Variants in KCNQ1 observed in about 807,000 individuals in gnomAD.
KCNQ1 encodes the protein potassium voltage-gated channel subfamily Q member 1.
In KCNQ1, 49 loss-of-function variants were observed where a neutral mutation model predicts 72.4. The observed-to-expected ratio is 0.68, with a 90% CI of 0.54 to 0.86. KCNQ1 has a LOEUF of 0.86. Ranked by LOEUF, KCNQ1 falls within the 40% of genes least tolerant of loss-of-function variation. KCNQ1 has a pLI of 0.00. For missense variants in KCNQ1, 790 were observed against 945.1 expected, an observed-to-expected ratio of 0.84 and a Z score of 2.15; for synonymous variants, 450 against 412.6, an observed-to-expected ratio of 1.09 and a Z score of -1.10.
rs1252764403 is a variant in KCNQ1 at position 2,683,962 on chromosome 11, T to C, written c.1514+21881T>C. Reference sequence around the variant, plus strand: ...ACAAAACCAGCTGACTGCTTTTACTTTTTTTTTTTTTTCATTTAGAAGAAT... The same window carrying C: ...ACAAAACCAGCTGACTGCTTTTACTCTTTTTTTTTTTTCATTTAGAAGAAT... On this transcript the variant is annotated intron_variant, in intron 11 of 15. Coordinates refer to ENST00000155840, the MANE Select transcript of KCNQ1 (RefSeq NM_000218.3). This position sits in a 1 kb window ranked among gnomAD's most constrained non-coding sequence, Gnocchi z 4.7. 1 of 327,966 alleles carries C rather than the reference T, an allele frequency of 3.0e-6. No homozygotes were observed. Among genetic ancestry groups the C allele is most frequent in the Non-Finnish European group, 5.4e-6 (1 of 183,526 alleles). The allele number at this position is 327,966 out of a possible 1,614,324, so 20.3% of individuals were successfully genotyped here.
intron 12 of KCNQ1, among the ~76,000 whole-genome samples, chr11:2,775,339 G>T (rs1846673635): frequency 6.6e-6 from 1 of 152,312 alleles, no homozygotes; most frequent in South Asian, 2.1e-4. Context: ...CCCCTGCCCT[G>T]CCTCACATGG....
chr11:2,607,807 C>T (rs1848905917), intron 10 of KCNQ1, among the ~76,000 whole-genome samples: 1 of 152,028 alleles, frequency 6.6e-6, no homozygotes, highest in Admixed American at 6.6e-5. Flanking sequence ...GAAATAAGTC[C>T]CATTTGGTTA....
In KCNQ1 at chr11:2,767,659, G is replaced by A. The variant is rs778225300; in HGVS notation, c.1515-1185G>A. Among the ~76,000 whole-genome samples the A allele has an allele frequency of 2.0e-5, 3 of 152,304 alleles. No homozygotes were observed. Among genetic ancestry groups the A allele is most frequent in the African/African-American group, 7.2e-5 (3 of 41,560 alleles). ...GTTAATGTGATGGAAAGTTGGCATTGCTTAGTTTCTGGGGCTGCCTTCTAG... is the reference window on the plus strand; with the variant it reads ...GTTAATGTGATGGAAAGTTGGCATTACTTAGTTTCTGGGGCTGCCTTCTAG... On this transcript the variant is annotated intron_variant, in intron 11 of 15. Coordinates refer to ENST00000155840, the MANE Select transcript of KCNQ1 (RefSeq NM_000218.3). The surrounding 1 kb of genome is among the most constrained non-coding windows in gnomAD (Gnocchi z 4.6).
rs1401883777 is a variant in KCNQ1 at position 2,550,886 on chromosome 11, G to A, written c.478-19742G>A. On this transcript the variant is annotated intron_variant, in intron 2 of 15. Coordinates refer to ENST00000155840, the MANE Select transcript of KCNQ1 (RefSeq NM_000218.3). The surrounding 1 kb of genome is among the most constrained non-coding windows in gnomAD (Gnocchi z 6.0). ...CCTGGGGAGGCTGCCAAGTGAGGGGGGGGCACAGACTGAGACAGGGTCCCC... is the reference window on the plus strand; with the variant it reads ...CCTGGGGAGGCTGCCAAGTGAGGGGAGGGCACAGACTGAGACAGGGTCCCC... Among the ~76,000 whole-genome samples, 2 of 152,146 alleles carry A rather than the reference G, an allele frequency of 1.3e-5. No individual in the cohort carries two copies. Among genetic ancestry groups the A allele is most frequent in the South Asian group, 4.1e-4 (2 of 4,824 alleles).
At chr11:2,638,328 A>G (rs1296362324) in intron 10 of KCNQ1, 2 of 151,974 alleles carry the variant, frequency 1.3e-5, no homozygotes, top group Admixed American at 1.3e-4. Context: ...GTTCCTTTCC[A>G]TGTTTAGTGC....
intron 10 of KCNQ1, chr11:2,648,530 C>T (rs1849702432): frequency 5.0e-6 from 2 of 398,358 alleles, no homozygotes; most frequent in Admixed American, 8.8e-5. Context: ...TTCATAGACA[C>T]AGTGGTCATT....
At position 2,562,337 on chromosome 11, in the gene KCNQ1, G is replaced by C. The variant is rs922979530; in HGVS notation, c.478-8291G>C. ...AGCAGCTGGCCACAGGCAGGCCCTG[G>C]GACAAAGGGCGCTTTGAGCTGCCTG... On this transcript the variant is annotated intron_variant, in intron 2 of 15. Transcript: ENST00000155840. This position sits in a 1 kb window ranked among gnomAD's most constrained non-coding sequence, Gnocchi z 7.5. 4.6e-5 allele frequency among the ~76,000 whole-genome samples: 7 copies of C among 152,144 alleles called. No homozygotes were observed. Among genetic ancestry groups the C allele is most frequent in the Non-Finnish European group, 8.8e-5 (6 of 68,000 alleles).
At position 2,577,181 on chromosome 11, in the gene KCNQ1, C is replaced by T. The variant is rs147620757; in HGVS notation, c.921+4195C>T. 2.0e-3 allele frequency among the ~76,000 whole-genome samples: 300 copies of T among 152,332 alleles called. 1 individual carries two copies. Among genetic ancestry groups the T allele is most frequent in the Middle Eastern group, 6.8e-3 (2 of 294 alleles). On this transcript the variant is annotated intron_variant, in intron 6 of 15. Transcript: ENST00000155840. Reference sequence around the variant, plus strand: ...ACTCACTGTTGAGGCGTGTGGTTTGCGGTCCTGCTGTGTGCCAGGCACCGG... The same window carrying T: ...ACTCACTGTTGAGGCGTGTGGTTTGTGGTCCTGCTGTGTGCCAGGCACCGG...
chr11:2,499,035 C>T (rs879536398), intron 1 of KCNQ1, among the ~76,000 whole-genome samples: 6 of 152,170 alleles, frequency 3.9e-5, no homozygotes, highest in Non-Finnish European at 8.8e-5. Flanking sequence ...CTTCTGTGTG[C>T]CCTCCGTGGG....
chr11:2,740,080 G>A (rs755483490), intron 11 of KCNQ1, among the ~76,000 whole-genome samples: 9 of 152,222 alleles, frequency 5.9e-5, no homozygotes, highest in Non-Finnish European at 1.2e-4. Flanking sequence ...TGAACAGACA[G>A]AGGCAAGCCC....
At chr11:2,780,183 C>G (rs1038871847) in intron 15 of KCNQ1, among the ~76,000 whole-genome samples, 8 of 152,338 alleles carry the variant, frequency 5.3e-5, no homozygotes, top group African/African-American at 1.9e-4. Context: ...CAGAGCTGTG[C>G]TGACCTAGGT....
At chr11:2,552,070 A>G (rs1847990937) in intron 2 of KCNQ1, among the ~76,000 whole-genome samples, 1 of 151,926 alleles carries the variant, frequency 6.6e-6, no homozygotes, top group South Asian at 2.1e-4. Flanking sequence ...ATCTTTCAAA[A>G]GAGCAGCAGT....
chr11:2,814,379 A>G (rs1295858021), intron 15 of KCNQ1, among the ~76,000 whole-genome samples: 4 of 150,660 alleles, frequency 2.7e-5, no homozygotes, highest in African/African-American at 9.7e-5. Context: ...GGATAGATAA[A>G]TGGAGGGAAG....
rs142774919 is a variant in KCNQ1, at chr11:2,831,420, G to A, written c.1795-16347G>A. ...AGGCCTGGAACACTGTGGGGCTGTC[G>A]AAGGTGCTTCTGCCTCCAGGAAGCC... On this transcript the variant is annotated intron_variant, in intron 15 of 15. Coordinates refer to ENST00000155840, the MANE Select transcript of KCNQ1 (RefSeq NM_000218.3). Among the ~76,000 whole-genome samples the A allele has an allele frequency of 5.3e-4, 81 of 152,172 alleles. No homozygotes were observed. In the East Asian group the frequency reaches 0.014, roughly 26 times the overall value.
chr11:2,718,772 T>C (rs147876328), intron 11 of KCNQ1, among the ~76,000 whole-genome samples: 17 of 152,330 alleles, frequency 1.1e-4, no homozygotes, highest in South Asian at 4.1e-4. Flanking sequence ...CCCTGGACCC[T>C]GCTGTGCCAG....
chr11:2,802,238 G>A (rs745433042), intron 15 of KCNQ1, among the ~76,000 whole-genome samples: 15 of 152,300 alleles, frequency 9.8e-5, no homozygotes, highest in African/African-American at 2.4e-4. Context: ...GTGAGCTGTC[G>A]CCTCTGTCCT....
chr11:2,619,863 T>A (rs1849135498), intron 10 of KCNQ1: 1 of 398,452 alleles, frequency 2.5e-6, no homozygotes, highest in Non-Finnish European at 4.4e-6. Flanking sequence ...TTTTTTTAAC[T>A]TTTATTTTTG....
chr11:2,531,389 G>C (rs1012846026), intron 2 of KCNQ1, among the ~76,000 whole-genome samples: 2 of 152,118 alleles, frequency 1.3e-5, no homozygotes, highest in Non-Finnish European at 2.9e-5. Flanking sequence ...AACCAGGCAG[G>C]GGACAGGGGC....
At chr11:2,693,006 A>C (rs1850613688) in intron 11 of KCNQ1, 2 of 398,670 alleles carry the variant, frequency 5.0e-6, no homozygotes, top group Non-Finnish European at 4.4e-6. Flanking sequence ...ATAAGCAAGC[A>C]CGCTCAGTGA....
Sources: allele counts gnomAD v4.1 joint callset (sites outside exome capture counted in the v4.1 genomes callset), GRCh38; gene constraint gnomAD v4.1.1; non-coding constraint Gnocchi (gnomAD v3.1); transcripts MANE v1.5; gene names NCBI Gene and HGNC (gene_info 2026-07-23, HGNC 2026-07-21).